Variants in KLHL13 observed in about 807,000 individuals in gnomAD.
KLHL13 encodes the protein kelch like family member 13.
KLHL13 carries 10 observed loss-of-function variants against 37.1 expected under a neutral mutation model. The observed-to-expected ratio is 0.27, with a 90% confidence interval of 0.17 to 0.46. KLHL13 has a LOEUF of 0.46. Ranked by LOEUF, KLHL13 falls within the 20% of genes least tolerant of loss-of-function variation. The probability of loss-of-function intolerance (pLI) is 1.00; values close to 1 mark genes in which losing one functional copy is unlikely to be tolerated. For synonymous variants in KLHL13, 163 were observed against 181.2 expected (o/e 0.90, Z 0.81); for missense variants, 360 against 509.3 (o/e 0.71, Z 2.82).
intron 1 of KLHL13, among the ~76,000 whole-genome samples, chrX:118,078,947 C>CT (rs1354284561): frequency 4.5e-5 from 5 of 110,832 alleles, no homozygotes; most frequent in Non-Finnish European, 7.6e-5. Flanking sequence ...GTTAGGTATT[C>CT]TTTTTTTAAT....
intron 2 of KLHL13, among the ~76,000 whole-genome samples, chrX:117,943,820 T>G (rs1380553077): frequency 9.1e-6 from 1 of 110,441 alleles, no homozygotes; most frequent in African/African-American, 3.3e-5. Flanking sequence ...TTCTAAAGCC[T>G]ACTTCTGTCA....
intron 5 of KLHL13, among the ~76,000 whole-genome samples, chrX:117,906,148 T>A (rs913862264): frequency 1.8e-5 from 2 of 111,685 alleles, no homozygotes; most frequent in Admixed American, 9.6e-5. Flanking sequence ...ATAACAGATG[T>A]TAATGTGTGC....
intron 1 of KLHL13, among the ~76,000 whole-genome samples, chrX:118,024,319 G>T (rs1051804946): frequency 1.8e-5 from 2 of 111,837 alleles, no homozygotes; most frequent in African/African-American, 6.5e-5. Flanking sequence ...AAAACTTTTG[G>T]AAGAAAACCT....
chrX:117,919,098 G>A (rs113922722), intron 4 of KLHL13, among the ~76,000 whole-genome samples: 11,409 of 109,570 alleles, frequency 0.1, 600 homozygotes, highest in African/African-American at 0.2. Context: ...ATCTCAGTTC[G>A]CCACAACCTC....
At chrX:118,031,667 T>C (rs1302866692) in intron 1 of KLHL13, among the ~76,000 whole-genome samples, 2 of 101,231 alleles carry the variant, frequency 2.0e-5, no homozygotes, top group Admixed American at 1.1e-4. Flanking sequence ...TTATATATAA[T>C]ATATATAACT....
intron 1 of KLHL13, among the ~76,000 whole-genome samples, chrX:117,981,517 A>C (rs994991447): frequency 8.9e-6 from 1 of 111,970 alleles, no homozygotes; most frequent in Non-Finnish European, 1.9e-5. Flanking sequence ...ATATGTTTTA[A>C]ATAATCAGTT....
intron 1 of KLHL13, among the ~76,000 whole-genome samples, chrX:118,038,215 A>G (rs1192216388): frequency 8.9e-6 from 1 of 112,078 alleles, no homozygotes; most frequent in African/African-American, 3.2e-5. Context: ...AGATTGGGAA[A>G]TGTTACTCAA....
In KLHL13 at chrX:118,086,258, T is replaced by C. The variant is rs1227716952; in HGVS notation, c.-56+30250A>G. On this transcript the variant is annotated intron_variant, in intron 1 of 6. Coordinates refer to the KLHL13 transcript ENST00000371882. ...GATGTCTTTTTTATATAATGGCTTT[T>C]TTTTTCCCCTTTGGGTAGATACCCA... is the stretch of plus-strand genomic sequence containing the variant. Among the ~76,000 whole-genome samples, 17 of 111,722 alleles carry C rather than the reference T, an allele frequency of 1.5e-4. No individual in the cohort carries two copies. The Admixed American group carries it at 1.6e-3, about 11-fold the overall frequency.
At chrX:117,954,257 A>T (rs1279485219) in intron 1 of KLHL13, among the ~76,000 whole-genome samples, 1 of 112,307 alleles carries the variant, frequency 8.9e-6, no homozygotes, top group Non-Finnish European at 1.9e-5. Context: ...AAATTTATAT[A>T]CCAGTTAAAC....
chrX:117,926,756 G>GTC (rs1305860184), intron 2 of KLHL13, among the ~76,000 whole-genome samples: 2 of 108,744 alleles, frequency 1.8e-5, no homozygotes, highest in Non-Finnish European at 3.8e-5. Flanking sequence ...CTGATGGTGA[G>GTC]TCCCCACCTC....
chrX:118,052,121 C>T (rs759335592), intron 1 of KLHL13, among the ~76,000 whole-genome samples: 7 of 111,203 alleles, frequency 6.3e-5, no homozygotes, highest in Admixed American at 9.6e-5. Context: ...TCAAAAAACA[C>T]TTTAGGGGAA....
intron 1 of KLHL13, among the ~76,000 whole-genome samples, chrX:118,015,432 T>C (rs769618306): frequency 3.6e-5 from 4 of 111,570 alleles, no homozygotes; most frequent in Non-Finnish European, 7.5e-5. Flanking sequence ...AAACAACTTT[T>C]AGTCTGGGAC....
Position 118,071,370 on chromosome X carries a change from C to T in KLHL13, c.-56+45138G>A, listed in dbSNP as rs374476582. Among the ~76,000 whole-genome samples the T allele has an allele frequency of 2.3e-4, 26 of 111,226 alleles. No homozygotes were observed. The South Asian group carries it at 9.7e-3, about 41-fold the overall frequency. On this transcript the variant is annotated intron_variant, in intron 1 of 6. Coordinates refer to the KLHL13 transcript ENST00000371882. ...ATGGTTGAACTAGTTTACAGTCCCA[C>T]CAACAGTGTAAAAGTGTTCCTATTT...
intron 1 of KLHL13, among the ~76,000 whole-genome samples, chrX:118,099,451 A>C (rs761772209): frequency 8.9e-6 from 1 of 111,813 alleles, no homozygotes; most frequent in East Asian, 2.8e-4. Context: ...GACTTTCAAA[A>C]GGCTAAGTTA....
chrX:117,953,745 G>C (rs1049532231), intron 1 of KLHL13, among the ~76,000 whole-genome samples: 1 of 110,614 alleles, frequency 9.0e-6, no homozygotes, highest in Non-Finnish European at 1.9e-5. Context: ...AAGTCACTTA[G>C]CATTTCAATG....
intron 1 of KLHL13, among the ~76,000 whole-genome samples, chrX:118,030,471 A>G (rs1327095654): frequency 8.9e-6 from 1 of 111,883 alleles, no homozygotes; most frequent in Non-Finnish European, 1.9e-5. Context: ...CACTAATTGC[A>G]TCTAGGATGA....
exon 1 of KLHL13, chrX:117,972,825 G>C (rs1453157722): frequency 1.7e-6 from 2 of 1,209,996 alleles, no homozygotes; most frequent in Non-Finnish European, 2.2e-6. Flanking sequence ...CATTTCAATG[G>C]CATGTTGTCA....
At chrX:118,063,475 T>C (rs772991808) in intron 1 of KLHL13, among the ~76,000 whole-genome samples, 1 of 111,601 alleles carries the variant, frequency 9.0e-6, no homozygotes, top group East Asian at 2.8e-4. Context: ...TCCCCTACAC[T>C]GGGCCAATAT....
chrX:118,033,031 A>C (rs748047906), intron 1 of KLHL13, among the ~76,000 whole-genome samples: 1 of 111,048 alleles, frequency 9.0e-6, no homozygotes, highest in East Asian at 2.8e-4. Context: ...TGAGAAGGGA[A>C]GTTTAGAGAA....
Sources: gnomAD v4.1 joint callset for allele counts (sites outside exome capture counted in the v4.1 genomes callset) on GRCh38, gnomAD v4.1.1 for gene constraint, MANE v1.5 for transcripts, NCBI Gene and HGNC (gene_info 2026-07-23, HGNC 2026-07-21) for gene names.